The following PARVA variants were observed in gnomAD, a reference collection of about 807,000 sequenced individuals.
PARVA encodes the protein alpha-parvin.
A neutral mutation model predicts 52.6 loss-of-function variants in PARVA; 25 were observed. The observed-to-expected ratio is 0.48, with a 90% confidence interval of 0.35 to 0.66. The LOEUF (loss-of-function observed/expected upper bound fraction) is 0.66, where lower values mean the gene tolerates loss of function less well. Among genes scored for constraint, PARVA ranks in the 30% least tolerant of loss-of-function variants. The pLI, the probability that PARVA is intolerant of heterozygous loss-of-function variation, is 0.01. For synonymous variants in PARVA, 185 were observed against 179.1 expected, an observed-to-expected ratio of 1.03 and a Z score of -0.26; for missense variants, 373 against 450.9, an observed-to-expected ratio of 0.83 and a Z score of 1.56.
rs1941796722 is a variant in PARVA, at chr11:12,533,421, G to A, written c.*5496G>A. ...TTTCAAAATTCATACTAATCAGCATGAACTATAACTGCTCCAATGCCCACC... is the reference window on the plus strand; with the variant it reads ...TTTCAAAATTCATACTAATCAGCATAAACTATAACTGCTCCAATGCCCACC... On this transcript the variant is annotated 3_prime_UTR_variant, in exon 13 of 13. Transcript: ENST00000334956. Among the ~76,000 whole-genome samples, 1 of 152,166 alleles carries A rather than the reference G, an allele frequency of 6.6e-6. No individual in the cohort carries two copies. The highest frequency in any genetic ancestry group is 2.4e-5 in the African/African-American group (1 of 41,430).
chr11:12,498,540 T>G (rs906772790), intron 5 of PARVA, among the ~76,000 whole-genome samples: 1 of 151,544 alleles, frequency 6.6e-6, no homozygotes, highest in Non-Finnish European at 1.5e-5. Flanking sequence ...GTTACATCAC[T>G]GCATCATTTT....
At chr11:12,385,632 A>T (rs1939562135) in intron 1 of PARVA, among the ~76,000 whole-genome samples, 1 of 152,174 alleles carries the variant, frequency 6.6e-6, no homozygotes, top group Non-Finnish European at 1.5e-5. Flanking sequence ...GAGACCTATG[A>T]CCTGGTTTGC....
intron 1 of PARVA, among the ~76,000 whole-genome samples, chr11:12,457,422 T>G (rs564847751): frequency 6.6e-6 from 1 of 152,342 alleles, no homozygotes; most frequent in Non-Finnish European, 1.5e-5. Context: ...TCATTCATGC[T>G]AAAGAGGCCT....
At chr11:12,444,265 C>T (rs1284615591) in intron 1 of PARVA, among the ~76,000 whole-genome samples, 2 of 152,062 alleles carry the variant, frequency 1.3e-5, no homozygotes, top group African/African-American at 4.8e-5. Flanking sequence ...GGAGGCATTG[C>T]AAAATCTTCC....
intron 1 of PARVA, among the ~76,000 whole-genome samples, chr11:12,468,850 T>C (rs1412095957): frequency 6.6e-6 from 1 of 152,236 alleles, no homozygotes; most frequent in African/African-American, 2.4e-5. Context: ...CTTTTCTTCC[T>C]TGGGCCTTTC....
chr11:12,478,933 C>A, intron 4 of PARVA: 1 of 152,346 alleles, frequency 6.6e-6, no homozygotes. Context: ...AGTCCAAACC[C>A]CTTGGCACAA....
At chr11:12,470,836 A>G (rs1940923669) in intron 1 of PARVA, among the ~76,000 whole-genome samples, 1 of 152,198 alleles carries the variant, frequency 6.6e-6, no homozygotes, top group African/African-American at 2.4e-5. Flanking sequence ...ACATTTTTGT[A>G]GAACATTCTC....
chr11:12,522,714 C>T (rs1033308123), intron 12 of PARVA, among the ~76,000 whole-genome samples: 2 of 151,718 alleles, frequency 1.3e-5, no homozygotes, highest in African/African-American at 4.8e-5. Context: ...CCACCCTGCC[C>T]GGCCAAGAAG....
intron 4 of PARVA, among the ~76,000 whole-genome samples, chr11:12,486,533 CAAAAATAAAAATAAAAA>C (rs1357809491): frequency 1.3e-5 from 2 of 151,238 alleles, no homozygotes. Flanking sequence ...AACTCTGTCT[CAAAAATAAAAATAAAAA>C]TAAAATAAAA....
chr11:12,488,677 G>C (rs2114386), intron 4 of PARVA, among the ~76,000 whole-genome samples: 4,014 of 152,242 alleles, frequency 0.026, 117 homozygotes, highest in East Asian at 0.12. Flanking sequence ...GATGTGAACA[G>C]AACAATTAAA....
intron 1 of PARVA, among the ~76,000 whole-genome samples, chr11:12,409,592 G>A (rs970974359): frequency 6.6e-6 from 1 of 152,142 alleles, no homozygotes; most frequent in Non-Finnish European, 1.5e-5. Context: ...ATGAAGATGT[G>A]ACATCACTGG....
At chr11:12,505,939 T>C (rs111379257) in intron 6 of PARVA, among the ~76,000 whole-genome samples, 5,241 of 152,322 alleles carry the variant, frequency 0.034, 269 homozygotes, top group African/African-American at 0.11. Context: ...TTTGTCAAAA[T>C]CCATAGAATG....
rs1349141087 is a variant in PARVA, at chr11:12,517,470, C to T, written c.868-140C>T. On this transcript the variant is annotated intron_variant, in intron 10 of 12. Transcript: ENST00000334956. ...GCAGAGCAGACCTCCTTGTCTCGGGCCACTGCCCCTACCCCCGAGCTAGCA... is the reference window on the plus strand; with the variant it reads ...GCAGAGCAGACCTCCTTGTCTCGGGTCACTGCCCCTACCCCCGAGCTAGCA... 6 of 662,270 alleles carry T rather than the reference C, an allele frequency of 9.1e-6. No individual in the cohort carries two copies. In the Admixed American group the frequency reaches 1.1e-4, roughly 12 times the overall value. 41.0% of individuals were successfully genotyped at this position (662,270 alleles called of 1,614,324 possible).
intron 10 of PARVA, among the ~76,000 whole-genome samples, chr11:12,515,381 A>G (rs971031937): frequency 1.1e-4 from 17 of 152,128 alleles, no homozygotes; most frequent in Admixed American, 1.1e-3. Context: ...AATGAGCTTC[A>G]TGTACTCTTG....
rs147752219 is a variant in PARVA at position 12,515,822 on chromosome 11, T to G, written c.867+1757T>G. Among the ~76,000 whole-genome samples the G allele has an allele frequency of 1.4e-3, 216 of 152,214 alleles. 1 individual carries two copies. The highest frequency in any genetic ancestry group is 4.9e-3 in the African/African-American group (204 of 41,544). On this transcript the variant is annotated intron_variant, in intron 10 of 12. Transcript: ENST00000334956. The stretch of plus-strand genomic sequence containing the variant: ...CCACCTGAGTTGCAGGCCTGATGGA[T>G]AGAAGCTGGGAGGAGCTACCCTTTT...
chr11:12,524,015 G>C (rs1215320881), intron 12 of PARVA, among the ~76,000 whole-genome samples: 1 of 152,212 alleles, frequency 6.6e-6, no homozygotes, highest in Non-Finnish European at 1.5e-5. Context: ...ATAAGTGATA[G>C]GCAGTGTCTC....
intron 3 of PARVA, chr11:12,476,979 G>T (rs938584737): frequency 6.6e-6 from 1 of 152,250 alleles, no homozygotes; most frequent in African/African-American, 2.4e-5. Context: ...CAGGGATGAG[G>T]ATTGAGTACA....
intron 1 of PARVA, among the ~76,000 whole-genome samples, chr11:12,381,506 T>A (rs937392477): frequency 5.3e-5 from 8 of 152,316 alleles, no homozygotes; most frequent in Admixed American, 3.9e-4. Flanking sequence ...ATAATACTTG[T>A]TAGAATATAG....
In PARVA at chr11:12,396,156, A is replaced by G. The variant is rs574702201; in HGVS notation, c.136+18373A>G. Reference sequence around the variant, plus strand: ...CCCAGAGAAGTGAACTGACTTGTCTAAGATCTCTCAGCTATTAATTGGTAG... The same window carrying G: ...CCCAGAGAAGTGAACTGACTTGTCTGAGATCTCTCAGCTATTAATTGGTAG... On this transcript the variant is annotated intron_variant, in intron 1 of 12. Coordinates refer to ENST00000334956, the MANE Select transcript of PARVA (RefSeq NM_018222.5). Among the ~76,000 whole-genome samples, 22 of 150,758 alleles carry G rather than the reference A, an allele frequency of 1.5e-4. No individual in the cohort carries two copies. The South Asian group carries it at 4.4e-3, about 30-fold the overall frequency.
Sources: allele counts gnomAD v4.1 joint callset (sites outside exome capture counted in the v4.1 genomes callset), GRCh38; gene constraint gnomAD v4.1.1; transcripts MANE v1.5; gene names NCBI Gene and HGNC (gene_info 2026-07-23, HGNC 2026-07-21).